Variants in MARCHF9 observed in about 807,000 individuals in gnomAD.
MARCHF9 encodes the protein membrane associated ring-CH-type finger 9.
Under a neutral mutation model 35.2 loss-of-function variants are expected in MARCHF9, and 17 were observed. The ratio of observed to expected loss-of-function variants is 0.48; its 90% confidence interval spans 0.33 to 0.72. The LOEUF is 0.72. Ranked by LOEUF, MARCHF9 falls within the 30% of genes least tolerant of loss-of-function variation. MARCHF9 has a pLI of 0.02. For missense variants in MARCHF9, 386 were observed against 478.2 expected (o/e 0.81, Z 1.80); for synonymous variants, 183 against 207.4 (o/e 0.88, Z 1.01).
rs749305455 is a variant in MARCHF9, at chr12:57,755,832, G to A, written c.304G>A (p.Asp102Asn). 4.6e-6 allele frequency: 7 copies of A among 1,517,854 alleles called. No homozygotes were observed. In the African/African-American group the frequency reaches 7.2e-5, roughly 16 times the overall value. 94.0% of individuals were successfully genotyped at this position (1,517,854 alleles called of 1,614,324 possible). ...LDALSLSSSL[D>N]SGLRTPQCRI... ...CGCCCTGTCGCTCAGCAGTAGCCTG[G>A]ACAGCGGACTCCGAACCCCTCAGTG... The change falls in exon 1 of 4, where the codon GAC (aspartate) becomes AAC (asparagine). Residue 102 changes from aspartate (D) to asparagine (N), a missense_variant. Asp to Asn is a conservative substitution (Grantham distance 23). Coordinates refer to ENST00000266643, the MANE Select transcript of MARCHF9 (RefSeq NM_138396.6).
chr12:57,756,813 C>G, intron 1 of MARCHF9, 116 bp from the exon 2 acceptor site: 1 of 1,152,116 alleles, frequency 8.7e-7, no homozygotes, highest in Non-Finnish European at 1.2e-6. Flanking sequence ...GGTGAAAGGC[C>G]TGAGTTATTT....
In MARCHF9 at chr12:57,757,031, C is replaced by A; in HGVS notation, c.460C>A (p.Leu154Ile). The change falls in exon 2 of 4, where the codon CTC (leucine) becomes ATC (isoleucine). Residue 154 changes from leucine (L) to isoleucine (I), a missense_variant. By Grantham distance (5) the Leu-to-Ile change is conservative. Around this residue, in one of 3 missense-constraint regions of MARCHF9, gnomAD observed 219 missense variants for 316.2 expected, o/e 0.69. Coordinates refer to ENST00000266643, the MANE Select transcript of MARCHF9 (RefSeq NM_138396.6). ...ISERGSWSCELCYFKYQVLAI... is the reference protein window; with the variant it reads ...ISERGSWSCEICYFKYQVLAI... The stretch of plus-strand genomic sequence containing the variant: ...CGAGAGGGGCTCCTGGAGCTGTGAG[C>A]TCTGCTACTTCAAGTACCAGGTCCT... 1 of 1,564,076 alleles carries A rather than the reference C, an allele frequency of 6.4e-7. No individual in the cohort carries two copies. The highest frequency in any genetic ancestry group is 8.7e-7 in the Non-Finnish European group (1 of 1,153,450).
chr12:57,755,555 T>C lies in MARCHF9; in HGVS notation c.27T>C (p.Phe9=). MLKSRLRM[F]LNELKLLVLT... ...TGCTCAAGTCTCGGCTCCGCATGTT[T>C]CTGAACGAGCTGAAGCTGCTGGTGC... The change falls in exon 1 of 4, where the codon TTT becomes TTC. Residue 9 remains phenylalanine, a synonymous_variant. Coordinates refer to ENST00000266643, the MANE Select transcript of MARCHF9 (RefSeq NM_138396.6). 7.4e-7 allele frequency: 1 copy of C among 1,348,432 alleles called. No individual in the cohort carries two copies. The highest frequency in any genetic ancestry group is 9.6e-7 in the Non-Finnish European group (1 of 1,039,996). The allele number at this position is 1,348,432 out of a possible 1,614,324, so 83.5% of individuals were successfully genotyped here.
chr12:57,757,884 G>A lies in MARCHF9; in HGVS notation c.514-224G>A, dbSNP rs554139931. Reference sequence around the variant, plus strand: ...CAAGATTTAGGATTCAAATCTAGATGTTTTGGTTTCAGAGCACTTGCCCAA... The same window carrying A: ...CAAGATTTAGGATTCAAATCTAGATATTTTGGTTTCAGAGCACTTGCCCAA... On this transcript the variant is annotated intron_variant, in intron 2 of 3. Coordinates refer to ENST00000266643, the MANE Select transcript of MARCHF9 (RefSeq NM_138396.6). The A allele has an allele frequency of 7.9e-6, 5 of 633,452 alleles. No homozygotes were observed. The East Asian group carries it at 1.1e-4, about 14-fold the overall frequency. 39.2% of individuals were successfully genotyped at this position (633,452 alleles called of 1,614,324 possible).
chr12:57,757,570 C>T (rs1013449639), intron 2 of MARCHF9: 5 of 200,912 alleles, frequency 2.5e-5, no homozygotes, highest in South Asian at 1.6e-4. Flanking sequence ...TCCTTGAACC[C>T]GGGAGGCAGA....
At chr12:57,756,398 G>T (rs969290532) in intron 1 of MARCHF9, among the ~76,000 whole-genome samples, 2 of 152,150 alleles carry the variant, frequency 1.3e-5, no homozygotes, top group African/African-American at 4.8e-5. Flanking sequence ...GCCAGGGGGT[G>T]TCTCTGTGTA....
In MARCHF9 at chr12:57,758,430, C is replaced by A; in HGVS notation, c.706+130C>A. ...GCCTTTAGTGCTATCCTGGTGCCCC[C>A]TCAACCCACTTCCCTGCTTCTCCAG... On this transcript the variant is annotated intron_variant, in intron 3 of 3. Coordinates refer to ENST00000266643, the MANE Select transcript of MARCHF9 (RefSeq NM_138396.6). The surrounding 1 kb of genome is among the most constrained non-coding windows in gnomAD (Gnocchi z 5.4). The A allele has an allele frequency of 7.5e-7, 1 of 1,336,888 alleles. No homozygotes were observed. The highest frequency in any genetic ancestry group is 1.0e-6 in the Non-Finnish European group (1 of 990,664). The allele number at this position is 1,336,888 out of a possible 1,614,324, so 82.8% of individuals were successfully genotyped here.
At position 57,758,436 on chromosome 12, in the gene MARCHF9, C is replaced by T. The variant is rs190964028; in HGVS notation, c.707-127C>T. 1.4e-4 allele frequency: 191 copies of T among 1,336,284 alleles called. 2 individuals carry two copies. The East Asian group carries it at 4.4e-3, about 30-fold the overall frequency. The allele number at this position is 1,336,284 out of a possible 1,614,324, so 82.8% of individuals were successfully genotyped here. On this transcript the variant is annotated intron_variant, in intron 3 of 3. Coordinates refer to ENST00000266643, the MANE Select transcript of MARCHF9 (RefSeq NM_138396.6). The surrounding 1 kb of genome is among the most constrained non-coding windows in gnomAD (Gnocchi z 5.4). The stretch of plus-strand genomic sequence containing the variant: ...AGTGCTATCCTGGTGCCCCCTCAAC[C>T]CACTTCCCTGCTTCTCCAGGGCCCT...
intron 2 of MARCHF9, chr12:57,757,740 T>G: frequency 1.7e-6 from 1 of 582,572 alleles, no homozygotes; most frequent in Non-Finnish European, 3.0e-6. Flanking sequence ...GTGTATTAAC[T>G]CTTAATCTTC....
chr12:57,757,142 A>G, intron 2 of MARCHF9, 58 bp downstream of exon 2: 1 of 1,439,956 alleles, frequency 6.9e-7, no homozygotes, highest in Non-Finnish European at 9.2e-7. Context: ...TATTGGACTC[A>G]GGGACCCTCC....
rs1955308107 is a variant in MARCHF9, at chr12:57,759,602, A to G, written c.*705A>G. On this transcript the variant is annotated 3_prime_UTR_variant, in exon 4 of 4. Coordinates refer to ENST00000266643, the MANE Select transcript of MARCHF9 (RefSeq NM_138396.6). ...GCACTCCGAGGTATCTAAAGGGTAG[A>G]CCTGGACCTGCCACCTATGAGTTGT... The G allele has an allele frequency of 6.6e-6, 1 of 152,128 alleles. No homozygotes were observed. Among genetic ancestry groups the G allele is most frequent in the African/African-American group, 2.4e-5 (1 of 41,394 alleles). The allele number at this position is 152,128 out of a possible 1,614,324, so 9.4% of individuals were successfully genotyped here. A position where few individuals can be genotyped will look rare whatever the true frequency, so the allele number is the denominator to read the frequency against.
In MARCHF9 at chr12:57,757,096, G is replaced by A; in HGVS notation, c.513+12G>A. The A allele has an allele frequency of 6.5e-7, 1 of 1,540,556 alleles. No individual in the cohort carries two copies. The highest frequency in any genetic ancestry group is 8.8e-7 in the Non-Finnish European group (1 of 1,141,564). On this transcript the variant is annotated intron_variant, in intron 2 of 3. Transcript: ENST00000266643. ...AGAACCCACTGCAGGTGAGGTGCAA[G>A]GAGAGGACTCGGAGATTGGGCGAGG... is the stretch of plus-strand genomic sequence containing the variant.
Position 57,758,120 on chromosome 12 carries a change from T to C in MARCHF9, c.526T>C (p.Ser176Pro), listed in dbSNP as rs778884393. Residue 176 changes from serine (S) to proline (P), a missense_variant, in exon 3 of 4, where the codon TCC (serine) becomes CCC (proline). Coordinates refer to ENST00000266643, the MANE Select transcript of MARCHF9 (RefSeq NM_138396.6). This position sits in a 1 kb window ranked among gnomAD's most constrained non-coding sequence, Gnocchi z 5.4. ...TTCTCCCACACAGTGGCAGGCCATC[T>C]CCCTGACGGTCATCGAGAAGGTCCA... ...TKNPLQWQAI[S>P]LTVIEKVQIA... The C allele has an allele frequency of 1.9e-6, 3 of 1,614,156 alleles. No homozygotes were observed. The highest frequency in any genetic ancestry group is 3.3e-5 in the Admixed American group (2 of 60,022).
At position 57,758,272 on chromosome 12, in the gene MARCHF9, G is replaced by A. The variant is rs926600099; in HGVS notation, c.678G>A (p.Met226Ile). The change falls in exon 3 of 4, where the codon ATG becomes ATA. Residue 226 changes from methionine to isoleucine, a missense_variant. Around this residue, in one of 3 missense-constraint regions of MARCHF9, gnomAD observed 219 missense variants for 316.2 expected, o/e 0.69. Coordinates refer to ENST00000266643, the MANE Select transcript of MARCHF9 (RefSeq NM_138396.6). The surrounding 1 kb of genome is among the most constrained non-coding windows in gnomAD (Gnocchi z 5.4). ...QDLLFQICYG[M>I]YGFMDVVCIG... Reference sequence around the variant, plus strand: ...TGCTCTTTCAGATCTGCTACGGCATGTATGGCTTCATGGATGTCGTCTGCA... The same window carrying A: ...TGCTCTTTCAGATCTGCTACGGCATATATGGCTTCATGGATGTCGTCTGCA... 2.5e-6 allele frequency: 4 copies of A among 1,612,024 alleles called. No homozygotes were observed. Among genetic ancestry groups the A allele is most frequent in the Non-Finnish European group, 2.5e-6 (3 of 1,178,162 alleles).
At chr12:57,757,180 C>G in intron 2 of MARCHF9, 96 bp downstream of exon 2, 1 of 1,329,212 alleles carries the variant, frequency 7.5e-7, no homozygotes. Context: ...TACTCTTTTC[C>G]CAAAGCCACC....
chr12:57,759,017 C>A lies in MARCHF9; in HGVS notation c.*120C>A. On this transcript the variant is annotated 3_prime_UTR_variant, in exon 4 of 4. Coordinates refer to ENST00000266643, the MANE Select transcript of MARCHF9 (RefSeq NM_138396.6). The stretch of plus-strand genomic sequence containing the variant: ...GCATGCTGCCCCCGTCACCGAGGAT[C>A]TGTGTGGGTAGCCTCAAGCTGGAGA... 1 of 1,007,696 alleles carries A rather than the reference C, an allele frequency of 9.9e-7. No individual in the cohort carries two copies. Among genetic ancestry groups the A allele is most frequent in the Non-Finnish European group, 1.4e-6 (1 of 709,794 alleles). 62.4% of individuals were successfully genotyped at this position (1,007,696 alleles called of 1,614,324 possible).
intron 1 of MARCHF9, among the ~76,000 whole-genome samples, chr12:57,756,694 C>G (rs960753752): frequency 6.6e-6 from 1 of 152,170 alleles, no homozygotes; most frequent in South Asian, 2.1e-4. Context: ...CCCCTCTAAT[C>G]CCCCCATCCC....
chr12:57,757,666 G>T, intron 2 of MARCHF9: 1 of 372,678 alleles, frequency 2.7e-6, no homozygotes, highest in South Asian at 4.6e-5. Flanking sequence ...AAAAAAAAAA[G>T]AAAAGAAAAA....
chr12:57,758,480 A>G lies in MARCHF9; in HGVS notation c.707-83A>G, dbSNP rs778461132. The G allele has an allele frequency of 1.9e-5, 27 of 1,433,060 alleles. No individual in the cohort carries two copies. The highest frequency in any genetic ancestry group is 2.4e-5 in the Non-Finnish European group (26 of 1,065,858). 88.8% of individuals were successfully genotyped at this position (1,433,060 alleles called of 1,614,324 possible). ...GGGCCCTTTGCAACTGTATCTTCTC[A>G]CTCTGAAGAAATGCTTGCTTAAGTA... is the stretch of plus-strand genomic sequence containing the variant. On this transcript the variant is annotated intron_variant, in intron 3 of 3. Coordinates refer to ENST00000266643, the MANE Select transcript of MARCHF9 (RefSeq NM_138396.6). This position sits in a 1 kb window ranked among gnomAD's most constrained non-coding sequence, Gnocchi z 5.4.
Sources: allele counts gnomAD v4.1 joint callset (sites outside exome capture counted in the v4.1 genomes callset), GRCh38; gene constraint gnomAD v4.1.1; regional missense constraint gnomAD v4.1.1; non-coding constraint Gnocchi (gnomAD v3.1); transcripts MANE v1.5; gene names NCBI Gene and HGNC (gene_info 2026-07-23, HGNC 2026-07-21).